Variants in ARHGEF28 observed in about 807,000 individuals in gnomAD.
ARHGEF28 encodes 190 kDa guanine nucleotide exchange factor.
ARHGEF28 carries 152 observed loss-of-function variants against 206.6 expected under a neutral mutation model. That is an observed-to-expected ratio of 0.74 (90% CI 0.64 to 0.84). ARHGEF28 has a LOEUF of 0.84. ARHGEF28 is among the 40% of genes least tolerant of loss of function. The pLI is 0.00. For synonymous variants in ARHGEF28, 763 were observed against 776.4 expected (o/e 0.98, Z 0.29); for missense variants, 2,028 against 2,073.2 (o/e 0.98, Z 0.42).
At chr5:73,909,967 A>G in intron 34 of ARHGEF28, 70 bp downstream of exon 34, 2 of 1,437,122 alleles carry the variant, frequency 1.4e-6, no homozygotes, top group Non-Finnish European at 1.8e-6. Context: ...CTCCTAGGAC[A>G]CTAACCAAAC....
chr5:73,684,725 T>C, intron 1 of ARHGEF28, 116 bp from the exon 2 acceptor site: 1 of 715,588 alleles, frequency 1.4e-6, no homozygotes, highest in Non-Finnish European at 2.2e-6. Context: ...TCTCTGCAGT[T>C]TTCCTATCTA....
At chr5:73,689,683 A>G (rs928173185) in intron 2 of ARHGEF28, among the ~76,000 whole-genome samples, 22 of 152,264 alleles carry the variant, frequency 1.4e-4, no homozygotes, top group Admixed American at 1.4e-3. Context: ...TCCAATTTTT[A>G]GTCTCTAAGC....
intron 35 of ARHGEF28, among the ~76,000 whole-genome samples, chr5:73,914,254 G>A (rs1223603984): frequency 6.6e-6 from 1 of 152,162 alleles, no homozygotes; most frequent in African/African-American, 2.4e-5. Context: ...TGTCCTTTGA[G>A]AGGGGCAGCT....
At chr5:73,872,909 A>T in intron 21 of ARHGEF28, 90 bp from the exon 22 acceptor site, 1 of 1,405,314 alleles carries the variant, frequency 7.1e-7, no homozygotes, top group Admixed American at 2.3e-5. Flanking sequence ...TTATTTGCGT[A>T]ACATATAGTG....
At chr5:73,841,589 C>CAGG (rs1561447834) in intron 11 of ARHGEF28, among the ~76,000 whole-genome samples, 1 of 151,632 alleles carries the variant, frequency 6.6e-6, no homozygotes, top group Non-Finnish European at 1.5e-5. Context: ...ACATGTGGTC[C>CAGG]TGATACTTGG....
intron 4 of ARHGEF28, among the ~76,000 whole-genome samples, chr5:73,764,202 G>A (rs1418879076): frequency 6.6e-6 from 1 of 152,198 alleles, no homozygotes; most frequent in African/African-American, 2.4e-5. Flanking sequence ...CATTCTAGCT[G>A]TTAGCTGGAG....
intron 28 of ARHGEF28, 142 bp from the exon 29 acceptor site, chr5:73,894,251 T>G: frequency 1.3e-6 from 1 of 761,072 alleles, no homozygotes; most frequent in Admixed American, 2.7e-5. Context: ...GACTGAGACC[T>G]GCATCTGCCC....
At chr5:73,823,003 G>C (rs149345763) in intron 9 of ARHGEF28, among the ~76,000 whole-genome samples, 2 of 152,272 alleles carry the variant, frequency 1.3e-5, no homozygotes, top group African/African-American at 4.8e-5. Flanking sequence ...TGGTGAAAAG[G>C]ACTTTCTATA....
chr5:73,806,882 TTA>T (rs999447105), intron 9 of ARHGEF28, among the ~76,000 whole-genome samples: 7 of 132,724 alleles, frequency 5.3e-5, no homozygotes, highest in African/African-American at 1.5e-4. Context: ...TTGTATATAT[TTA>T]TATATATACA....
chr5:73,820,292 G>A (rs915032503), intron 9 of ARHGEF28, among the ~76,000 whole-genome samples: 17 of 152,096 alleles, frequency 1.1e-4, no homozygotes, highest in Non-Finnish European at 1.0e-4. Flanking sequence ...GTATCTTTAC[G>A]TAAAATATTC....
chr5:73,916,086 T>G (rs898954732), intron 35 of ARHGEF28, among the ~76,000 whole-genome samples: 1 of 152,170 alleles, frequency 6.6e-6, no homozygotes, highest in African/African-American at 2.4e-5. Flanking sequence ...AAGACAGCTG[T>G]GTTAAACTTT....
intron 4 of ARHGEF28, among the ~76,000 whole-genome samples, chr5:73,773,275 C>T (rs1501674): frequency 0.023 from 3,434 of 152,284 alleles, 57 homozygotes; most frequent in Middle Eastern, 0.041. Context: ...AGCAGAGCAA[C>T]GGGGTGGCTT....
intron 9 of ARHGEF28, chr5:73,803,211 A>G (rs1755246381): frequency 6.4e-6 from 1 of 155,956 alleles, no homozygotes; most frequent in Non-Finnish European, 1.5e-5. Context: ...CAGTTATGAA[A>G]TGTATACTTA....
Position 73,911,351 on chromosome 5 carries a change from C to T in ARHGEF28, c.4724C>T (p.Ser1575Leu). Residue 1575 changes from serine (S) to leucine (L), a missense_variant, in exon 35 of 36, where the codon TCA becomes TTA. Transcript: ENST00000513042. ...FFINEALVQM[S>L]FNTFNKLNPS... ...ATCAATGAAGCTTTAGTACAAATGT[C>T]ATTTAACACTTTCAACAAACTGAAT... 1 of 1,613,410 alleles carries T rather than the reference C, an allele frequency of 6.2e-7. No individual in the cohort carries two copies. Among genetic ancestry groups the T allele is most frequent in the South Asian group, 1.1e-5 (1 of 90,854 alleles).
chr5:73,659,973 G>C (rs1336003650), intron 1 of ARHGEF28, among the ~76,000 whole-genome samples: 1 of 152,114 alleles, frequency 6.6e-6, no homozygotes, highest in Non-Finnish European at 1.5e-5. Flanking sequence ...GTTGCTGAAG[G>C]TTGGGGTGGC....
intron 13 of ARHGEF28, 52 bp from the exon 14 acceptor site, chr5:73,852,598 G>T: frequency 6.5e-7 from 1 of 1,533,286 alleles, no homozygotes; most frequent in South Asian, 1.1e-5. Flanking sequence ...ACTAACATAT[G>T]ACTGCCAGTT....
At position 73,779,565 on chromosome 5, in the gene ARHGEF28, T is replaced by C. The variant is rs556134189; in HGVS notation, c.841-1111T>C. On this transcript the variant is annotated intron_variant, in intron 6 of 35. Transcript: ENST00000513042. ...ACTCTCTTCATTGAAAGACGGGGGG[T>C]CAGGGCTAAGGTTCAGCCCAAGTAG... Among the ~76,000 whole-genome samples, 1,012 of 151,978 alleles carry C rather than the reference T, an allele frequency of 6.7e-3. 6 individuals are homozygous for C. Among genetic ancestry groups the C allele is most frequent in the Non-Finnish European group, 0.012 (787 of 67,988 alleles).
At chr5:73,841,262 T>C (rs1371120660) in intron 11 of ARHGEF28, among the ~76,000 whole-genome samples, 1 of 152,062 alleles carries the variant, frequency 6.6e-6, no homozygotes, top group Admixed American at 6.6e-5. Flanking sequence ...ATGAATTAGC[T>C]ACAATTACAT....
At chr5:73,724,317 C>T (rs1417677732) in intron 2 of ARHGEF28, among the ~76,000 whole-genome samples, 2 of 152,086 alleles carry the variant, frequency 1.3e-5, no homozygotes, top group African/African-American at 4.8e-5. Context: ...AATATAGATA[C>T]ATTTTTGAGA....
Sources: allele counts gnomAD v4.1 joint callset (sites outside exome capture counted in the v4.1 genomes callset), GRCh38; gene constraint gnomAD v4.1.1; transcripts MANE v1.5; gene names NCBI Gene and HGNC (gene_info 2026-07-23, HGNC 2026-07-21).